The following TMEM135 variants were observed in gnomAD, a reference collection of about 807,000 sequenced individuals.
The protein encoded by TMEM135 is transmembrane protein 135, also known as peroxisomal membrane protein 52.
In TMEM135, 30 loss-of-function variants were observed where a neutral mutation model predicts 60.3. The ratio of observed to expected loss-of-function variants is 0.50; its 90% CI spans 0.37 to 0.68. The LOEUF (loss-of-function observed/expected upper bound fraction) is 0.68, where lower values mean the gene tolerates loss of function less well. Ranked by LOEUF, TMEM135 falls within the 30% of genes least tolerant of loss-of-function variation. The pLI is 0.00. For synonymous variants in TMEM135, 190 were observed against 186.7 expected, an observed-to-expected ratio of 1.02 and a Z score of -0.14; for missense variants, 468 against 548.8, an observed-to-expected ratio of 0.85 and a Z score of 1.47.
At chr11:87,209,986 G>C (rs1940323666) in intron 5 of TMEM135, among the ~76,000 whole-genome samples, 1 of 152,082 alleles carries the variant, frequency 6.6e-6, no homozygotes, top group Non-Finnish European at 1.5e-5. Context: ...TGAAAACAGA[G>C]ACACAATATA....
Position 87,114,710 on chromosome 11 carries a change from A to G in TMEM135, c.396+23315A>G, listed in dbSNP as rs547893338. On this transcript the variant is annotated intron_variant, in intron 4 of 14. Coordinates refer to ENST00000305494, the MANE Select transcript of TMEM135 (RefSeq NM_022918.4). Reference sequence around the variant, plus strand: ...TGTTGGAAAAATGGACTACATTATAACAGTTAAGCTGCTTTTGTGTGTGTT... The same window carrying G: ...TGTTGGAAAAATGGACTACATTATAGCAGTTAAGCTGCTTTTGTGTGTGTT... Among the ~76,000 whole-genome samples, 29 of 152,322 alleles carry G rather than the reference A, an allele frequency of 1.9e-4. No homozygotes were observed. In the South Asian group the frequency reaches 3.9e-3, roughly 21 times the overall value.
intron 6 of TMEM135, among the ~76,000 whole-genome samples, chr11:87,290,618 A>G (rs558764515): frequency 2.7e-3 from 418 of 152,296 alleles, no homozygotes; most frequent in Admixed American, 4.7e-3. Context: ...TGAACATTTG[A>G]CCAAGAGTAT....
intron 6 of TMEM135, among the ~76,000 whole-genome samples, chr11:87,254,668 T>G (rs1317872054): frequency 1.3e-5 from 2 of 152,220 alleles, no homozygotes; most frequent in Non-Finnish European, 2.9e-5. Flanking sequence ...TATGATAATA[T>G]TTCTTTGGGA....
At position 87,245,807 on chromosome 11, in the gene TMEM135, T is replaced by C. The variant is rs1941255703; in HGVS notation, c.509+9123T>C. Among the ~76,000 whole-genome samples the C allele has an allele frequency of 2.1e-5, 2 of 97,394 alleles. 1 individual carries two copies. The highest frequency in any genetic ancestry group is 7.3e-4 in the South Asian group (2 of 2,728). The allele number at this position is 97,394 out of a possible 152,430, so 63.9% of individuals were successfully genotyped here. A position where few individuals can be genotyped will look rare whatever the true frequency, so the allele number is the denominator to read the frequency against. ...TGATGGGTCTTGACTCTTTATCCAA[T>C]TTGCCAGTCTGTGTCTTTTAATTGG... is the stretch of plus-strand genomic sequence containing the variant. On this transcript the variant is annotated intron_variant, in intron 6 of 14. Coordinates refer to ENST00000305494, the MANE Select transcript of TMEM135 (RefSeq NM_022918.4).
chr11:87,122,075 G>C (rs555460570), intron 4 of TMEM135, among the ~76,000 whole-genome samples: 4 of 152,080 alleles, frequency 2.6e-5, no homozygotes, highest in Non-Finnish European at 5.9e-5. Context: ...AAGATTGGAG[G>C]GTGTCAATCT....
intron 12 of TMEM135, among the ~76,000 whole-genome samples, chr11:87,317,639 T>C (rs1305440639): frequency 6.6e-6 from 1 of 152,158 alleles, no homozygotes; most frequent in African/African-American, 2.4e-5. Context: ...TTAGCAAATA[T>C]TTTAATGCCA....
At position 87,191,982 on chromosome 11, in the gene TMEM135, C is replaced by CTTTTTTTTTTTTTTTTTTTTTTT. The variant is rs767550753; in HGVS notation, c.462+34580_462+34581insTTTTTTTTTTTTTTTTTTTTTTT. 4.3e-5 allele frequency among the ~76,000 whole-genome samples: 4 copies of CTTTTTTTTTTTTTTTTTTTTTTT among 93,988 alleles called. 1 individual carries two copies. Among genetic ancestry groups the CTTTTTTTTTTTTTTTTTTTTTTT allele is most frequent in the African/African-American group, 1.4e-4 (3 of 22,042 alleles). The allele number at this position is 93,988 out of a possible 152,430, so 61.7% of individuals were successfully genotyped here. A position where few individuals can be genotyped will look rare whatever the true frequency, so the allele number is the denominator to read the frequency against. On this transcript the variant is annotated intron_variant, in intron 5 of 14. Coordinates refer to ENST00000305494, the MANE Select transcript of TMEM135 (RefSeq NM_022918.4). ...CTATTTCTTTTGTTTCTTTTCTTTT[C>CTTTTTTTTTTTTTTTTTTTTTTT]TTTTCTTTTTTTTTTTTTTTTTTCG...
rs7112344 is a variant in TMEM135 at position 87,321,173 on chromosome 11, C to T, written c.1245-28C>T. 4 of 1,587,886 alleles carry T rather than the reference C, an allele frequency of 2.5e-6. No homozygotes were observed. The Admixed American group carries it at 5.0e-5, about 20-fold the overall frequency. On this transcript the variant is annotated intron_variant, in intron 14 of 14. Coordinates refer to ENST00000305494, the MANE Select transcript of TMEM135 (RefSeq NM_022918.4). ...TTTTATTTTATAAACTATATTAATA[C>T]TTGTTTACTGTATTCTTTGTTTTAC...
At chr11:87,082,427 C>T (rs1857011263) in intron 3 of TMEM135, among the ~76,000 whole-genome samples, 1 of 151,830 alleles carries the variant, frequency 6.6e-6, no homozygotes, top group African/African-American at 2.4e-5. Flanking sequence ...ACATCTAGTG[C>T]CAAAAATCAA....
chr11:87,286,668 A>G (rs113874685), intron 6 of TMEM135, among the ~76,000 whole-genome samples: 8 of 152,358 alleles, frequency 5.3e-5, no homozygotes, highest in African/African-American at 1.2e-4. Context: ...ATAAAATTGC[A>G]TGAATTTTCT....
chr11:87,248,389 C>T (rs10898644), intron 6 of TMEM135, among the ~76,000 whole-genome samples: 16,568 of 152,170 alleles, frequency 0.11, 1,633 homozygotes, highest in African/African-American at 0.26. Flanking sequence ...TGGATAAAAG[C>T]CATTTTAACT....
At chr11:87,101,306 A>G (rs1591019775) in intron 4 of TMEM135, among the ~76,000 whole-genome samples, 1 of 152,226 alleles carries the variant, frequency 6.6e-6, no homozygotes, top group East Asian at 1.9e-4. Flanking sequence ...AAGAGAACAC[A>G]TAAGCAAAAT....
intron 5 of TMEM135, among the ~76,000 whole-genome samples, chr11:87,169,689 T>G (rs1157020543): frequency 6.6e-6 from 1 of 152,208 alleles, no homozygotes. Context: ...CTGATGGACT[T>G]CCCGTTGTGG....
chr11:87,253,481 C>A (rs977939441), intron 6 of TMEM135, among the ~76,000 whole-genome samples: 1 of 151,810 alleles, frequency 6.6e-6, no homozygotes, highest in Non-Finnish European at 1.5e-5. Context: ...ATGACATTCA[C>A]ATGTTTTTAA....
chr11:87,198,760 G>T (rs1357150094), intron 5 of TMEM135, among the ~76,000 whole-genome samples: 2 of 151,342 alleles, frequency 1.3e-5, no homozygotes, highest in Non-Finnish European at 2.9e-5. Flanking sequence ...ACCATGTAAA[G>T]GCACTATACC....
In TMEM135 at chr11:87,236,718, C is replaced by T. The variant is rs772868376; in HGVS notation, c.509+34C>T. 8 of 1,572,566 alleles carry T rather than the reference C, an allele frequency of 5.1e-6. No homozygotes were observed. The South Asian group carries it at 8.9e-5, about 17-fold the overall frequency. On this transcript the variant is annotated intron_variant, in intron 6 of 14. Coordinates refer to ENST00000305494, the MANE Select transcript of TMEM135 (RefSeq NM_022918.4). ...TGTTATACTTATTTACTTTAATACC[C>T]CAAACAGTATCTCTTTGTAATTTCA...
chr11:87,064,691 T>C, intron 1 of TMEM135, among the ~76,000 whole-genome samples: 1 of 152,202 alleles, frequency 6.6e-6, no homozygotes, highest in South Asian at 2.1e-4. Context: ...GAGACCAGCC[T>C]GACCAACATG....
rs1285304674 is a variant in TMEM135, at chr11:87,134,880, GC to G, written c.397-22458del. 2.0e-5 allele frequency among the ~76,000 whole-genome samples: 3 copies of G among 152,216 alleles called. No individual in the cohort carries two copies. In the East Asian group the frequency reaches 5.8e-4, roughly 29 times the overall value. ...CTGGCATTGTGTGAGAGTTCTAGTT[GC>G]CCTACATCTATGCTAACACTTGGAA... is the stretch of plus-strand genomic sequence containing the variant. On this transcript the variant is annotated intron_variant, in intron 4 of 14. Transcript: ENST00000305494.
chr11:87,315,565 A>G (rs1432283040), intron 12 of TMEM135, among the ~76,000 whole-genome samples: 1 of 151,984 alleles, frequency 6.6e-6, no homozygotes, highest in Non-Finnish European at 1.5e-5. Context: ...GTTAATAATT[A>G]TCACTGGGAT....
Sources: allele counts gnomAD v4.1 joint callset (sites outside exome capture counted in the v4.1 genomes callset), GRCh38; gene constraint gnomAD v4.1.1; transcripts MANE v1.5; gene names NCBI Gene and HGNC (gene_info 2026-07-23, HGNC 2026-07-21).